Variants in MGAT4C observed in about 807,000 individuals in gnomAD.
MGAT4C encodes MGAT4 family member C, also known as alpha-1,3-mannosyl-glycoprotein 4-beta-N-acetylglucosaminyltransferase C.
MGAT4C carries 19 observed loss-of-function variants against 40.1 expected under a neutral mutation model. The observed-to-expected ratio is 0.47, with a 90% CI of 0.33 to 0.70. MGAT4C has a LOEUF of 0.70. Ranked by LOEUF, MGAT4C falls within the 30% of genes least tolerant of loss-of-function variation. The pLI is 0.02. For missense variants in MGAT4C, 491 were observed against 563.2 expected, an observed-to-expected ratio of 0.87 and a Z score of 1.30; for synonymous variants, 181 against 187.1, an observed-to-expected ratio of 0.97 and a Z score of 0.27.
chr12:86,408,479 CTATATATATA>C (rs71076198), intron 3 of MGAT4C, among the ~76,000 whole-genome samples: 45 of 63,344 alleles, frequency 7.1e-4, no homozygotes, highest in African/African-American at 6.3e-4. Flanking sequence ...CTCTCTCTCT[CTATATATATA>C]TATATATATA....
intron 2 of MGAT4C, among the ~76,000 whole-genome samples, chr12:86,535,272 A>G (rs1200213709): frequency 6.6e-6 from 1 of 152,124 alleles, no homozygotes; most frequent in Non-Finnish European, 1.5e-5. Flanking sequence ...ACGTTTTACC[A>G]ATATTAATTT....
intron 2 of MGAT4C, among the ~76,000 whole-genome samples, chr12:86,566,179 G>A (rs139741540): frequency 6.6e-6 from 1 of 152,164 alleles, no homozygotes; most frequent in Non-Finnish European, 1.5e-5. Flanking sequence ...TTGGATTGAA[G>A]GATACAAAGT....
In MGAT4C at chr12:86,397,840, G is replaced by A. The variant is rs780089979; in HGVS notation, c.-120+37317C>T. On this transcript the variant is annotated intron_variant, in intron 3 of 7. Transcript: ENST00000548651. ...TAGCTGGGTATGGTGGAGCGTGCCC[G>A]TAGTCCCAGCTATCTGGGAGGCTGA... 1.8e-4 allele frequency among the ~76,000 whole-genome samples: 27 copies of A among 152,214 alleles called. 1 individual carries two copies. Among genetic ancestry groups the A allele is most frequent in the Admixed American group, 1.1e-3 (17 of 15,282 alleles).
At chr12:86,202,056 C>T (rs551348622) in intron 1 of MGAT4C, among the ~76,000 whole-genome samples, 20 of 151,952 alleles carry the variant, frequency 1.3e-4, no homozygotes, top group Admixed American at 3.3e-4. Context: ...GGATTTTTCA[C>T]GAATCCAATC....
intron 2 of MGAT4C, among the ~76,000 whole-genome samples, chr12:86,524,691 T>C (rs192103072): frequency 2.0e-5 from 3 of 152,306 alleles, no homozygotes; most frequent in Non-Finnish European, 4.4e-5. Flanking sequence ...TCCCCTTCTT[T>C]TTCAGGGACA....
intron 4 of MGAT4C, among the ~76,000 whole-genome samples, chr12:86,306,647 C>T (rs1953940302): frequency 6.7e-6 from 1 of 150,290 alleles, no homozygotes; most frequent in Admixed American, 6.6e-5. Context: ...ATGCAATTGT[C>T]AAAATTAATG....
At chr12:86,785,656 A>T (rs550228848) in intron 1 of MGAT4C, among the ~76,000 whole-genome samples, 1 of 152,018 alleles carries the variant, frequency 6.6e-6, no homozygotes, top group African/African-American at 2.4e-5. Context: ...GTTAACTAAA[A>T]GGTATTATCA....
chr12:86,091,931 CTAAGGCAT>C (rs1194211056), intron 1 of MGAT4C, among the ~76,000 whole-genome samples: 1 of 152,090 alleles, frequency 6.6e-6, no homozygotes, highest in Non-Finnish European at 1.5e-5. Flanking sequence ...CCCAAAGGCA[CTAAGGCAT>C]GCTTTCTAGT....
At position 86,833,465 on chromosome 12, in the gene MGAT4C, G is replaced by A. The variant is rs143726713; in HGVS notation, c.-262+5201C>T. Among the ~76,000 whole-genome samples, 868 of 151,938 alleles carry A rather than the reference G, an allele frequency of 5.7e-3. 4 individuals are homozygous for A. The highest frequency in any genetic ancestry group is 0.02 in the African/African-American group (840 of 41,498). ...AAGGTTGCAAGTCTGAAATGAAGGTGTCAGCAGGGTTGTATGCTTCTGAGG... is the reference window on the plus strand; with the variant it reads ...AAGGTTGCAAGTCTGAAATGAAGGTATCAGCAGGGTTGTATGCTTCTGAGG... On this transcript the variant is annotated intron_variant, in intron 1 of 7. Coordinates refer to the MGAT4C transcript ENST00000548651.
At chr12:86,455,878 A>G (rs1190473574) in intron 2 of MGAT4C, among the ~76,000 whole-genome samples, 7 of 152,146 alleles carry the variant, frequency 4.6e-5, no homozygotes, top group Non-Finnish European at 7.4e-5. Context: ...CCTGTCAAAA[A>G]AGACAATTTT....
intron 3 of MGAT4C, among the ~76,000 whole-genome samples, chr12:86,396,067 TAA>T (rs780456522): frequency 1.3e-5 from 2 of 152,160 alleles, no homozygotes; most frequent in African/African-American, 2.4e-5. Context: ...TTTCTCCAGG[TAA>T]TAACTATCAT....
At chr12:86,504,937 G>A (rs917667739) in intron 2 of MGAT4C, among the ~76,000 whole-genome samples, 5 of 152,010 alleles carry the variant, frequency 3.3e-5, no homozygotes, top group African/African-American at 4.8e-5. Flanking sequence ...ATGAGACACC[G>A]GCGCCCAGCC....
At chr12:86,662,907 T>G (rs545155145) in intron 2 of MGAT4C, among the ~76,000 whole-genome samples, 1 of 152,304 alleles carries the variant, frequency 6.6e-6, no homozygotes, top group East Asian at 1.9e-4. Context: ...TACTTTCCCT[T>G]CAAATCACCT....
In MGAT4C at chr12:85,965,346, C is replaced by T. The variant is rs571193816; in HGVS notation, c.*13943G>A. On this transcript the variant is annotated 3_prime_UTR_variant, in exon 5 of 5. Coordinates refer to ENST00000611864, the MANE Select transcript of MGAT4C (RefSeq NM_001351288.2). ...GGCGCGGTGGCTCACGCATGTAATC[C>T]CAGCACTTTGTGAGGCCGAGGCGGG... 3.6e-4 allele frequency: 54 copies of T among 151,904 alleles called. No individual in the cohort carries two copies. Among genetic ancestry groups the T allele is most frequent in the African/African-American group, 1.2e-3 (48 of 41,432 alleles). The allele number at this position is 151,904 out of a possible 1,614,324, so 9.4% of individuals were successfully genotyped here.
intron 2 of MGAT4C, among the ~76,000 whole-genome samples, chr12:86,500,161 T>C (rs991214382): frequency 6.6e-6 from 1 of 151,970 alleles, no homozygotes; most frequent in African/African-American, 2.4e-5. Context: ...TGTGTGTATG[T>C]ATGGTGAATA....
chr12:86,582,858 C>T (rs745306069), intron 2 of MGAT4C, among the ~76,000 whole-genome samples: 3 of 151,236 alleles, frequency 2.0e-5, no homozygotes, highest in Non-Finnish European at 4.4e-5. Context: ...ACCCTGTCAA[C>T]ATTCAAACTC....
At chr12:86,535,812 A>G (rs1371915349) in intron 2 of MGAT4C, among the ~76,000 whole-genome samples, 1 of 151,534 alleles carries the variant, frequency 6.6e-6, no homozygotes, top group Non-Finnish European at 1.5e-5. Flanking sequence ...TATCCTGGAG[A>G]ACAGTTAGTT....
intron 1 of MGAT4C, among the ~76,000 whole-genome samples, chr12:86,147,240 T>C (rs900599100): frequency 6.6e-6 from 1 of 151,736 alleles, no homozygotes; most frequent in Non-Finnish European, 1.5e-5. Context: ...AGCAGAAATT[T>C]ATTAAATTTT....
rs74628609 is a variant in MGAT4C, at chr12:86,316,118, A to G, written c.-57+17947T>C. Among the ~76,000 whole-genome samples, 743 of 146,822 alleles carry G rather than the reference A, an allele frequency of 5.1e-3. 3 individuals carry two copies. The highest frequency in any genetic ancestry group is 0.018 in the African/African-American group (714 of 39,732). ...AAAAAAAAAAAAAAATGGAAAAACG[A>G]TCCACATCACTAATCATCACAGAAA... On this transcript the variant is annotated intron_variant, in intron 4 of 7. Coordinates refer to the MGAT4C transcript ENST00000548651.
Sources: gnomAD v4.1 joint callset for allele counts (sites outside exome capture counted in the v4.1 genomes callset) on GRCh38, gnomAD v4.1.1 for gene constraint, MANE v1.5 for transcripts, NCBI Gene and HGNC (gene_info 2026-07-23, HGNC 2026-07-21) for gene names.